The following PPARG variants were observed in gnomAD, a reference collection of about 807,000 sequenced individuals.
PPARG encodes peroxisome proliferator-activated receptor gamma.
In PPARG, 17 loss-of-function variants were observed where a neutral mutation model predicts 39.2. The observed-to-expected ratio is 0.43, with a 90% CI of 0.30 to 0.65. The LOEUF (loss-of-function observed/expected upper bound fraction) is 0.65. Ranked by LOEUF, PPARG falls within the 30% of genes least tolerant of loss-of-function variation. The probability of loss-of-function intolerance (pLI) is 0.13; values close to 1 mark genes in which losing one functional copy is unlikely to be tolerated. For synonymous variants in PPARG, 223 were observed against 215.7 expected (o/e 1.03, Z -0.30); for missense variants, 406 against 585.9 (o/e 0.69, Z 3.17).
chr3:12,362,722 A>G (rs1312712667), intron 2 of PPARG, among the ~76,000 whole-genome samples: 1 of 151,968 alleles, frequency 6.6e-6, no homozygotes, highest in Non-Finnish European at 1.5e-5. Context: ...TGATAGTATC[A>G]TTACCTTGTT....
At chr3:12,371,609 A>C (rs895658268) in intron 2 of PPARG, among the ~76,000 whole-genome samples, 4 of 152,166 alleles carry the variant, frequency 2.6e-5, no homozygotes, top group Admixed American at 6.5e-5. Context: ...AAAGACCCCC[A>C]AAAAATAAAT....
At chr3:12,351,576 C>T (rs373988251) in intron 2 of PPARG, 1 of 1,567,932 alleles carries the variant, frequency 6.4e-7, no homozygotes, top group Non-Finnish European at 8.8e-7. Context: ...TACAGCAAAC[C>T]CCTATTCCAT....
At chr3:12,417,901 C>CTTTTTTTTTTTT (rs1559533744) in intron 7 of PPARG, among the ~76,000 whole-genome samples, 2 of 46,148 alleles carry the variant, frequency 4.3e-5, no homozygotes, top group African/African-American at 9.9e-5. Flanking sequence ...TTTTTTTTTT[C>CTTTTTTTTTTTT]CTTTTTTTTT....
At chr3:12,361,895 T>C (rs186319187) in intron 2 of PPARG, among the ~76,000 whole-genome samples, 6 of 152,330 alleles carry the variant, frequency 3.9e-5, no homozygotes, top group Admixed American at 3.9e-4. Context: ...TTGTTCTGAA[T>C]CTATAGATAA....
At chr3:12,295,424 G>T (rs188707449) in intron 1 of PPARG, among the ~76,000 whole-genome samples, 28 of 151,996 alleles carry the variant, frequency 1.8e-4, no homozygotes, top group South Asian at 4.2e-4. Context: ...TTTTCCTAAA[G>T]AATTTGGAAC....
chr3:12,399,711 AAG>A (rs568050356), intron 5 of PPARG, among the ~76,000 whole-genome samples: 106 of 151,394 alleles, frequency 7.0e-4, no homozygotes, highest in African/African-American at 2.4e-3. Context: ...GAAGGAAAGA[AAG>A]AGAGGTGAGC....
At chr3:12,314,887 C>T (rs1466477119) in intron 2 of PPARG, among the ~76,000 whole-genome samples, 10 of 152,052 alleles carry the variant, frequency 6.6e-5, no homozygotes, top group Non-Finnish European at 1.0e-4. Flanking sequence ...CATTTCAATA[C>T]GTGCATACAA....
intron 1 of PPARG, among the ~76,000 whole-genome samples, chr3:12,306,915 G>C (rs957573000): frequency 6.6e-6 from 1 of 151,730 alleles, no homozygotes; most frequent in African/African-American, 2.4e-5. Flanking sequence ...TGGCTAACAC[G>C]GTGTAACCCC....
intron 2 of PPARG, among the ~76,000 whole-genome samples, chr3:12,346,900 T>C (rs1019777688): frequency 6.6e-6 from 1 of 152,064 alleles, no homozygotes; most frequent in African/African-American, 2.4e-5. Flanking sequence ...CCACCCAAAG[T>C]GCTGGGATTG....
chr3:12,434,198 T>C lies in PPARG; in HGVS notation c.*53T>C. 1.2e-6 allele frequency: 2 copies of C among 1,611,636 alleles called. No homozygotes were observed. Among genetic ancestry groups the C allele is most frequent in the Non-Finnish European group, 1.7e-6 (2 of 1,178,374 alleles). Reference sequence around the variant, plus strand: ...TTCCCTTCTTCCAGTTGCACTATTCTGAGGGAAAATCTGACACCTAAGAAA... The same window carrying C: ...TTCCCTTCTTCCAGTTGCACTATTCCGAGGGAAAATCTGACACCTAAGAAA... On this transcript the variant is annotated 3_prime_UTR_variant, in exon 8 of 8. Coordinates refer to ENST00000651735, the MANE Select transcript of PPARG (RefSeq NM_138711.6). This position sits in a 1 kb window ranked among gnomAD's most constrained non-coding sequence, Gnocchi z 4.2.
chr3:12,427,134 C>T (rs374255815), intron 7 of PPARG, among the ~76,000 whole-genome samples: 13 of 149,894 alleles, frequency 8.7e-5, no homozygotes, highest in Non-Finnish European at 1.5e-4. Flanking sequence ...ACATGTATAA[C>T]TTTGCTGAAT....
chr3:12,424,324 T>C (rs1000989396), intron 7 of PPARG, among the ~76,000 whole-genome samples: 1 of 152,208 alleles, frequency 6.6e-6, no homozygotes, highest in Admixed American at 6.5e-5. Flanking sequence ...CTGTGACTGG[T>C]TGAGAAATAA....
intron 1 of PPARG, among the ~76,000 whole-genome samples, chr3:12,290,953 A>G (rs1356505439): frequency 1.3e-5 from 2 of 152,164 alleles, no homozygotes; most frequent in Admixed American, 6.5e-5. Flanking sequence ...CCTAGCATCT[A>G]TATATTCCCA....
chr3:12,316,614 TAA>T (rs1165376009), intron 2 of PPARG, among the ~76,000 whole-genome samples: 1 of 145,010 alleles, frequency 6.9e-6, no homozygotes, highest in East Asian at 2.0e-4. Flanking sequence ...TTTTAAAAAC[TAA>T]AAAAAAAAAG....
intron 1 of PPARG, among the ~76,000 whole-genome samples, chr3:12,309,838 G>T (rs1444549401): frequency 6.6e-6 from 1 of 152,176 alleles, no homozygotes; most frequent in Non-Finnish European, 1.5e-5. Context: ...AAATCATTGT[G>T]TGAGTAGAGA....
intron 5 of PPARG, among the ~76,000 whole-genome samples, chr3:12,398,556 A>C (rs1212263183): frequency 6.6e-6 from 1 of 152,200 alleles, no homozygotes; most frequent in Non-Finnish European, 1.5e-5. Context: ...GAGAGCAGGA[A>C]TCATCAGCAC....
At chr3:12,321,105 T>G (rs1472355832) in intron 2 of PPARG, among the ~76,000 whole-genome samples, 1 of 152,172 alleles carries the variant, frequency 6.6e-6, no homozygotes, top group East Asian at 1.9e-4. Context: ...TACCACATAT[T>G]TACCAGGAAA....
chr3:12,378,292 A>G (rs1413051382), intron 2 of PPARG, among the ~76,000 whole-genome samples: 1 of 152,228 alleles, frequency 6.6e-6, no homozygotes, highest in Non-Finnish European at 1.5e-5. Flanking sequence ...AAATGGAATC[A>G]GTATGTTGAA....
intron 5 of PPARG, chr3:12,399,630 T>A (rs1437980379): frequency 4.4e-4 from 42 of 95,194 alleles, no homozygotes; most frequent in Admixed American, 7.7e-4. Context: ...AGAGAAAGGA[T>A]GGAAGGGAGG....
Sources: gnomAD v4.1 joint callset for allele counts (sites outside exome capture counted in the v4.1 genomes callset) on GRCh38, gnomAD v4.1.1 for gene constraint, Gnocchi (gnomAD v3.1) non-coding constraint, MANE v1.5 for transcripts, NCBI Gene and HGNC (gene_info 2026-07-23, HGNC 2026-07-21) for gene names.